The following LTBP3 variants were observed in gnomAD, a reference collection of about 807,000 sequenced individuals.
The protein encoded by LTBP3 is latent-transforming growth factor beta-binding protein 3.
Under a neutral mutation model 159.7 loss-of-function variants are expected in LTBP3, and 97 were observed. That is an observed-to-expected ratio of 0.61 (90% CI 0.52 to 0.72). The LOEUF (loss-of-function observed/expected upper bound fraction) is 0.72, where lower values mean the gene tolerates loss of function less well. Ranked by LOEUF, LTBP3 falls within the 30% of genes least tolerant of loss-of-function variation. LTBP3 has a pLI of 0.00. For missense variants in LTBP3, 1,584 were observed against 1,864.3 expected, an observed-to-expected ratio of 0.85 and a Z score of 2.77; for synonymous variants, 824 against 777.1, an observed-to-expected ratio of 1.06 and a Z score of -1.00.
intron 8 of LTBP3, 34 bp from the exon 9 acceptor site, chr11:65,551,598 G>A (rs1856616544): frequency 6.2e-7 from 1 of 1,613,880 alleles, no homozygotes; most frequent in Non-Finnish European, 8.5e-7. Flanking sequence ...ATGAAGTGTT[G>A]GGGCGGGAGA....
chr11:65,539,654 A>ACGTCCGGGGC, intron 25 of LTBP3, 26 bp from the exon 26 acceptor site: 1 of 1,594,928 alleles, frequency 6.3e-7, no homozygotes, highest in Non-Finnish European at 8.5e-7. Context: ...CTGGTCAGCG[A>ACGTCCGGGGC]CGTCCGGGTC....
intron 18 of LTBP3, chr11:65,542,381 C>CTTTTTTTTTTTTT (rs775859883): frequency 1.1e-5 from 1 of 91,974 alleles, no homozygotes; most frequent in African/African-American, 4.7e-5. Context: ...GCTCAATAAA[C>CTTTTTTTTTTTTT]TTTTTTTTTT....
At chr11:65,550,561 C>G (rs1053959654) in intron 11 of LTBP3, among the ~76,000 whole-genome samples, 1 of 152,052 alleles carries the variant, frequency 6.6e-6, no homozygotes, top group African/African-American at 2.4e-5. Flanking sequence ...AACAGTGGTT[C>G]ATGCCTGTAA....
chr11:65,551,296 C>T (rs1417998341), intron 10 of LTBP3, 72 bp from the exon 11 acceptor site: 27 of 1,531,488 alleles, frequency 1.8e-5, no homozygotes, highest in East Asian at 1.7e-4. Context: ...AGTCTTGGCC[C>T]GGCGCCCCAC....
rs145001056 is a variant in LTBP3, at chr11:65,551,473, G to A, written c.1550C>T (p.Pro517Leu). 2.4e-4 allele frequency: 382 copies of A among 1,614,010 alleles called. 1 individual carries two copies. The highest frequency in any genetic ancestry group is 1.7e-3 in the South Asian group (154 of 91,090). The stretch of plus-strand genomic sequence containing the variant: ...CTGCACTGACCTCTCCTCACTCACC[G>A]GCTGCGGGTGACAGCAGCATGAGCC... ...EEERGVTTDS[P>L]VSEERSVQQS... is the part of the protein sequence containing the mutation. The change falls in exon 10 of 28, where the codon CCG becomes CTG. Residue 517 changes from proline to leucine, a missense_variant and splice_region_variant. Transcript: ENST00000301873.
intron 11 of LTBP3, among the ~76,000 whole-genome samples, chr11:65,549,567 CTTTTTTTTTT>C (rs748132211): frequency 3.1e-5 from 2 of 64,744 alleles, no homozygotes; most frequent in Non-Finnish European, 5.2e-5. Context: ...CCCAGCTAAT[CTTTTTTTTTT>C]TTTTTTTTTT....
At position 65,551,202 on chromosome 11, in the gene LTBP3, G is replaced by C. The variant is rs1208706843; in HGVS notation, c.1644C>G (p.Pro548=). ...PYPELISRPS[P]PTMRWFLPDL... ...CCGGCAGGAACCAGCGCATGGTCGG[G>C]GGCGAGGGACGGGAGATCAGCTCTG... is the stretch of plus-strand genomic sequence containing the variant. The change falls in exon 11 of 28, where the codon CCC becomes CCG. Residue 548 remains proline (P), a synonymous_variant. Coordinates refer to ENST00000301873, the MANE Select transcript of LTBP3 (RefSeq NM_001130144.3). 6.5e-7 allele frequency: 1 copy of C among 1,549,482 alleles called. No homozygotes were observed. The highest frequency in any genetic ancestry group is 8.7e-7 in the Non-Finnish European group (1 of 1,147,744).
chr11:65,540,195 G>A (rs1272610582), intron 23 of LTBP3, 42 bp from the exon 24 acceptor site: 3 of 1,541,314 alleles, frequency 1.9e-6, no homozygotes, highest in Non-Finnish European at 2.6e-6. Context: ...TCACAGCTCG[G>A]CCCGGGCCCC....
rs1856402591 is a variant in LTBP3, at chr11:65,547,031, C to G, written c.2108-111G>C. 1 of 1,488,806 alleles carries G rather than the reference C, an allele frequency of 6.7e-7. No individual in the cohort carries two copies. The highest frequency in any genetic ancestry group is 9.2e-7 in the Non-Finnish European group (1 of 1,091,866). The allele number at this position is 1,488,806 out of a possible 1,614,324, so 92.2% of individuals were successfully genotyped here. A position where few individuals can be genotyped will look rare whatever the true frequency, so the allele number is the denominator to read the frequency against. Reference sequence around the variant, plus strand: ...CACACAGATCAACGAGGCTCCCGGACCCCAACCTCTGAGAGGCCCAGAGCC... The same window carrying G: ...CACACAGATCAACGAGGCTCCCGGAGCCCAACCTCTGAGAGGCCCAGAGCC... On this transcript the variant is annotated intron_variant, in intron 14 of 27. Coordinates refer to ENST00000301873, the MANE Select transcript of LTBP3 (RefSeq NM_001130144.3). The surrounding 1 kb of genome is among the most constrained non-coding windows in gnomAD (Gnocchi z 4.6).
At chr11:65,550,151 T>C (rs1009530349) in intron 11 of LTBP3, among the ~76,000 whole-genome samples, 1 of 152,210 alleles carries the variant, frequency 6.6e-6, no homozygotes, top group Admixed American at 6.5e-5. Flanking sequence ...GGCTCACACC[T>C]GTAATCCCAG....
chr11:65,543,533 C>T lies in LTBP3; in HGVS notation c.2370G>A (p.Glu790=). The T allele has an allele frequency of 6.2e-7, 1 of 1,614,130 alleles. No individual in the cohort carries two copies. The highest frequency in any genetic ancestry group is 8.5e-7 in the Non-Finnish European group (1 of 1,179,994). Residue 790 remains glutamate (E), a synonymous_variant, in exon 17 of 28, where the codon GAG becomes GAA. Coordinates refer to ENST00000301873, the MANE Select transcript of LTBP3 (RefSeq NM_001130144.3). ...GRSCLDVDEC[E]AGDVCDNGIC... ...TGCCATTGTCACACACGTCCCCAGC[C>T]TCACACTCGTCCACATCTGCAGGGC... is the stretch of plus-strand genomic sequence containing the variant.
rs1409588681 is a variant in LTBP3, at chr11:65,540,291, G to A, written c.3198C>T (p.Ala1066=). The A allele has an allele frequency of 1.4e-5, 22 of 1,559,582 alleles. No individual in the cohort carries two copies. The highest frequency in any genetic ancestry group is 2.4e-5 in the South Asian group (2 of 84,816). The change falls in exon 23 of 28, where the codon GCC becomes GCT. Residue 1066 remains alanine, a synonymous_variant. Transcript: ENST00000301873. ...ACTGGCGCTGCGCGGGACTGTACTC[G>A]GCAGGGGGCGTGCAGGCACAGCGGT... ...GGYRCACTPP[A]EYSPAQRQCL...
chr11:65,547,318 T>C lies in LTBP3; in HGVS notation c.2107+121A>G. The C allele has an allele frequency of 8.1e-7, 1 of 1,234,126 alleles. No homozygotes were observed. Among genetic ancestry groups the C allele is most frequent in the Non-Finnish European group, 1.1e-6 (1 of 875,810 alleles). 76.4% of individuals were successfully genotyped at this position (1,234,126 alleles called of 1,614,324 possible). ...AAGATCTCACCACCGCACTCCAGCCTGGGCGACAGAGTGAGACTCCGTCTC... is the reference window on the plus strand; with the variant it reads ...AAGATCTCACCACCGCACTCCAGCCCGGGCGACAGAGTGAGACTCCGTCTC... On this transcript the variant is annotated intron_variant, in intron 14 of 27. Transcript: ENST00000301873. The surrounding 1 kb of genome is among the most constrained non-coding windows in gnomAD (Gnocchi z 4.6).
rs1197276510 is a variant in LTBP3, at chr11:65,558,104, G to T, written c.-145C>A. On this transcript the variant is annotated 5_prime_UTR_variant, in exon 1 of 28. Coordinates refer to ENST00000301873, the MANE Select transcript of LTBP3 (RefSeq NM_001130144.3). The stretch of plus-strand genomic sequence containing the variant: ...CGGGGGAAGCGGGCGGGAGGGGACC[G>T]CGGGGGCCCGGCGGGAGGCGCGGAG... 3.7e-6 allele frequency: 4 copies of T among 1,077,450 alleles called. No individual in the cohort carries two copies. Among genetic ancestry groups the T allele is most frequent in the Non-Finnish European group, 4.5e-6 (4 of 888,324 alleles). The allele number at this position is 1,077,450 out of a possible 1,614,324, so 66.7% of individuals were successfully genotyped here.
At chr11:65,543,397 G>C in intron 17 of LTBP3, 30 bp downstream of exon 17, 1 of 1,613,540 alleles carries the variant, frequency 6.2e-7, no homozygotes, top group Non-Finnish European at 8.5e-7. Flanking sequence ...GGGAGGGACA[G>C]GTCAGCACCC....
Position 65,546,906 on chromosome 11 carries a change from G to A in LTBP3, c.2122C>T (p.Arg708Trp), listed in dbSNP as rs759938544. The part of the protein sequence containing the change: ...PPVCEDIDEC[R>W]DPSSCPDGKC... ...CCATCCGGGCAAGAGCTTGGGTCCCGGCACTCGTCGATGTCTGCACGGGAG... is the reference window on the plus strand; with the variant it reads ...CCATCCGGGCAAGAGCTTGGGTCCCAGCACTCGTCGATGTCTGCACGGGAG... Residue 708 changes from arginine (R) to tryptophan (W), a missense_variant, in exon 15 of 28, where the codon CGG becomes TGG. Around this residue, in one of 6 missense-constraint regions of LTBP3, gnomAD observed 565 missense variants for 677.7 expected, o/e 0.83. Transcript: ENST00000301873. The surrounding 1 kb of genome is among the most constrained non-coding windows in gnomAD (Gnocchi z 4.0). The A allele has an allele frequency of 1.4e-5, 22 of 1,612,226 alleles. No homozygotes were observed. In the South Asian group the frequency reaches 1.4e-4, roughly 10 times the overall value.
rs1856244522 is a variant in LTBP3 at position 65,543,497 on chromosome 11, G to A, written c.2406C>T (p.Asn802=). The A allele has an allele frequency of 1.2e-6, 2 of 1,613,988 alleles. No individual in the cohort carries two copies. Among genetic ancestry groups the A allele is most frequent in the South Asian group, 1.1e-5 (1 of 91,092 alleles). The change falls in exon 17 of 28, where the codon AAC becomes AAT. Residue 802 remains asparagine, a synonymous_variant. Coordinates refer to ENST00000301873, the MANE Select transcript of LTBP3 (RefSeq NM_001130144.3). ...GDVCDNGICS[N]TPGSFQCQCL... Reference sequence around the variant, plus strand: ...ACTGACACTGGAAAGATCCTGGCGTGTTGCTGCAGATGCCATTGTCACACA... The same window carrying A: ...ACTGACACTGGAAAGATCCTGGCGTATTGCTGCAGATGCCATTGTCACACA...
rs1456372508 is a variant in LTBP3 at position 65,547,241 on chromosome 11, G to A, written c.2107+198C>T. Among the ~76,000 whole-genome samples the A allele has an allele frequency of 1.3e-5, 2 of 152,172 alleles. 1 individual carries two copies. Among genetic ancestry groups the A allele is most frequent in the South Asian group, 4.1e-4 (2 of 4,832 alleles). ...CGCCCGTAATCCCAGCTACTCGGGA[G>A]GCTGAGGCAGGAGAATCGCTTGAAC... On this transcript the variant is annotated intron_variant, in intron 14 of 27. Transcript: ENST00000301873. This position sits in a 1 kb window ranked among gnomAD's most constrained non-coding sequence, Gnocchi z 4.6.
In LTBP3 at chr11:65,546,104, C is replaced by G. The variant is rs575859815; in HGVS notation, c.2353+338G>C. 8.6e-6 allele frequency: 3 copies of G among 347,370 alleles called. No homozygotes were observed. The highest frequency in any genetic ancestry group is 1.6e-5 in the Non-Finnish European group (3 of 188,242). 21.5% of individuals were successfully genotyped at this position (347,370 alleles called of 1,614,324 possible). A position where few individuals can be genotyped will look rare whatever the true frequency, so the allele number is the denominator to read the frequency against. On this transcript the variant is annotated intron_variant, in intron 16 of 27. Coordinates refer to ENST00000301873, the MANE Select transcript of LTBP3 (RefSeq NM_001130144.3). This position sits in a 1 kb window ranked among gnomAD's most constrained non-coding sequence, Gnocchi z 4.0. The stretch of plus-strand genomic sequence containing the variant: ...AGTCTGTCTTTCCTTCTCCAGTTTT[C>G]AATGAGTCCCAGCCCCCAGCCCCGC...
Sources: gnomAD v4.1 joint callset for allele counts (sites outside exome capture counted in the v4.1 genomes callset) on GRCh38, gnomAD v4.1.1 for gene constraint, gnomAD v4.1.1 regional missense constraint, Gnocchi (gnomAD v3.1) non-coding constraint, MANE v1.5 for transcripts, NCBI Gene and HGNC (gene_info 2026-07-23, HGNC 2026-07-21) for gene names.